RP1: variants seen among roughly 807,000 people sequenced by gnomAD.
RP1 encodes the protein oxygen-regulated protein 1.
RP1 carries 16 observed loss-of-function variants against 14.8 expected under a neutral mutation model. The observed-to-expected ratio is 1.08, with a 90% CI of 0.73 to 1.65. The LOEUF (loss-of-function observed/expected upper bound fraction) is 1.65. Ranked by LOEUF, RP1 falls within the 40% of genes most tolerant of loss-of-function variation. The pLI is 0.00. For synonymous variants in RP1, 876 were observed against 883.6 expected (o/e 0.99, Z 0.15); for missense variants, 2,631 against 2,535.0 (o/e 1.04, Z -0.81).
At chr8:54,716,578 A>T (rs1025411880) in intron 15 of RP1, among the ~76,000 whole-genome samples, 1 of 152,196 alleles carries the variant, frequency 6.6e-6, no homozygotes, top group Non-Finnish European at 1.5e-5. Context: ...TGGGCAACAT[A>T]GGGCTTGAGA....
intron 12 of RP1, among the ~76,000 whole-genome samples, chr8:54,680,300 A>G (rs1198610166): frequency 2.0e-5 from 3 of 152,208 alleles, no homozygotes; most frequent in Admixed American, 6.5e-5. Context: ...AATAATTATT[A>G]TTTGTAGCTA....
At chr8:54,854,409 A>G (rs927247938) in intron 26 of RP1, among the ~76,000 whole-genome samples, 1 of 152,238 alleles carries the variant, frequency 6.6e-6, no homozygotes, top group Non-Finnish European at 1.5e-5. Flanking sequence ...TAAATTGGAT[A>G]TTGTTATAGA....
intron 16 of RP1, among the ~76,000 whole-genome samples, chr8:54,720,722 G>C (rs1226878480): frequency 6.6e-6 from 1 of 152,200 alleles, no homozygotes; most frequent in Non-Finnish European, 1.5e-5. Context: ...ACACAATTGG[G>C]ATTTGGATTA....
intron 17 of RP1, among the ~76,000 whole-genome samples, chr8:54,730,765 C>G (rs535916055): frequency 3.9e-5 from 6 of 152,132 alleles, no homozygotes; most frequent in Admixed American, 3.9e-4. Flanking sequence ...GTTATCTCTA[C>G]CAGCTTTGTG....
intron 24 of RP1, among the ~76,000 whole-genome samples, chr8:54,794,109 T>A (rs2129385864): frequency 6.6e-6 from 1 of 151,870 alleles, no homozygotes; most frequent in East Asian, 1.9e-4. Context: ...ATCAGAAAAA[T>A]TAATATTATT....
chr8:54,615,349 C>A (rs1263947054), upstream of RP1, among the ~76,000 whole-genome samples: 1 of 152,154 alleles, frequency 6.6e-6, no homozygotes, highest in African/African-American at 2.4e-5. Context: ...CAGAGGACCC[C>A]TTACCTTGTT....
At chr8:54,742,000 G>A (rs1475216545) in intron 19 of RP1, among the ~76,000 whole-genome samples, 1 of 151,746 alleles carries the variant, frequency 6.6e-6, no homozygotes, top group Non-Finnish European at 1.5e-5. Context: ...ACTGAGGCTC[G>A]ATCAAGTTAA....
chr8:54,594,460 A>G (rs1383230168), intron 1 of RP1, among the ~76,000 whole-genome samples: 1 of 152,234 alleles, frequency 6.6e-6, no homozygotes, highest in Non-Finnish European at 1.5e-5. Context: ...CTTTTGTTAG[A>G]AGCACATTAT....
chr8:54,720,227 A>T, exon 16 of RP1: 1 of 1,535,982 alleles, frequency 6.5e-7, no homozygotes, highest in Non-Finnish European at 8.7e-7. Flanking sequence ...TGTTTGTTGG[A>T]CTTCAGTCAG....
intron 1 of RP1, among the ~76,000 whole-genome samples, chr8:54,606,119 T>C (rs1437554513): frequency 6.6e-6 from 1 of 152,224 alleles, no homozygotes; most frequent in Non-Finnish European, 1.5e-5. Flanking sequence ...CATTAGTTGA[T>C]GCAGTTTCTT....
chr8:54,587,532 C>T (rs1345684238), intron 1 of RP1, among the ~76,000 whole-genome samples: 8 of 152,226 alleles, frequency 5.3e-5, no homozygotes, highest in Admixed American at 3.9e-4. Flanking sequence ...TGAAAATCCT[C>T]CCTCTAATAC....
exon 18 of RP1, chr8:54,734,664 A>G (rs1277912503): frequency 1.3e-6 from 2 of 1,535,694 alleles, no homozygotes; most frequent in African/African-American, 1.4e-5. Context: ...GTATGGAGAT[A>G]AAGGAGTCAC....
downstream of RP1, among the ~76,000 whole-genome samples, chr8:54,774,486 C>A (rs140269754): frequency 8.9e-4 from 136 of 152,268 alleles, no homozygotes; most frequent in Non-Finnish European, 1.4e-3. Context: ...GGAATTCTCC[C>A]AGCAGAGGCC....
intron 23 of RP1, among the ~76,000 whole-genome samples, chr8:54,777,660 T>C (rs7822082): frequency 0.28 from 42,309 of 151,992 alleles, 6,196 homozygotes; most frequent in South Asian, 0.38. Context: ...TTAAAAAAAA[T>C]CTCATGATCC....
intron 12 of RP1, chr8:54,696,541 G>A: frequency 1.3e-6 from 1 of 758,442 alleles, no homozygotes. Flanking sequence ...AAGGGCTCAG[G>A]TTTAAGTGAC....
intron 24 of RP1, among the ~76,000 whole-genome samples, chr8:54,786,676 G>T (rs535354073): frequency 4.0e-5 from 6 of 151,882 alleles, no homozygotes; most frequent in Admixed American, 3.3e-4. Flanking sequence ...TTTTTTTATT[G>T]CTTTTGTGGA....
intron 16 of RP1, among the ~76,000 whole-genome samples, chr8:54,723,656 T>A (rs1049851850): frequency 1.3e-5 from 2 of 152,166 alleles, no homozygotes; most frequent in Non-Finnish European, 2.9e-5. Flanking sequence ...TCCGGATATG[T>A]GGGTGATTTG....
intron 24 of RP1, among the ~76,000 whole-genome samples, chr8:54,826,182 C>T (rs1432862632): frequency 6.6e-6 from 1 of 152,158 alleles, no homozygotes. Context: ...GGATAAGCAA[C>T]CACATTTGAG....
intron 1 of RP1, among the ~76,000 whole-genome samples, chr8:54,594,344 A>G (rs1050882067): frequency 6.6e-6 from 1 of 152,234 alleles, no homozygotes; most frequent in African/African-American, 2.4e-5. Flanking sequence ...GGCAAGGAAG[A>G]GCACTTTGTG....
Sources: allele counts gnomAD v4.1 joint callset (sites outside exome capture counted in the v4.1 genomes callset), GRCh38; gene constraint gnomAD v4.1.1; transcripts MANE v1.5; gene names NCBI Gene and HGNC (gene_info 2026-07-23, HGNC 2026-07-21).